PRR27: variants seen among roughly 807,000 people sequenced by gnomAD.
PRR27 encodes proline rich 27.
A neutral mutation model predicts 16.8 loss-of-function variants in PRR27; 12 were observed. The observed-to-expected ratio is 0.71, with a 90% CI of 0.46 to 1.16. The LOEUF (loss-of-function observed/expected upper bound fraction) is 1.16. Among genes scored for constraint, PRR27 ranks in the 50% most tolerant of loss-of-function variants. PRR27 has a pLI of 0.00. For synonymous variants in PRR27, 100 were observed against 98.4 expected, an observed-to-expected ratio of 1.02 and a Z score of -0.10; for missense variants, 277 against 273.3, an observed-to-expected ratio of 1.01 and a Z score of -0.10.
intron 1 of PRR27, 78 bp from the exon 2 acceptor site, chr4:70,155,976 T>A: frequency 2.2e-6 from 2 of 923,164 alleles, no homozygotes; most frequent in Non-Finnish European, 3.3e-6. Flanking sequence ...CTTTGCAAAT[T>A]TTTCAGCAAT....
chr4:70,160,443 C>CTCTCTCTCTCTG (rs1298386504), intron 3 of PRR27, among the ~76,000 whole-genome samples: 4 of 68,702 alleles, frequency 5.8e-5, no homozygotes, highest in African/African-American at 4.9e-5. Flanking sequence ...CTCTCTCTCT[C>CTCTCTCTCTCTG]TGTGTGTGTG....
At chr4:70,155,472 C>G (rs1468499375) in intron 1 of PRR27, among the ~76,000 whole-genome samples, 11 of 151,880 alleles carry the variant, frequency 7.2e-5, no homozygotes, top group Non-Finnish European at 1.3e-4. Flanking sequence ...TCACGCCATT[C>G]TCCTGCCTCA....
intron 3 of PRR27, among the ~76,000 whole-genome samples, chr4:70,159,682 C>T (rs1285050521): frequency 1.3e-5 from 2 of 152,092 alleles, no homozygotes; most frequent in Non-Finnish European, 2.9e-5. Context: ...GTAGTACACA[C>T]ATATATGTGT....
chr4:70,164,512 G>C lies in PRR27; in HGVS notation c.*1851G>C, dbSNP rs932183925. The C allele has an allele frequency of 6.6e-6, 1 of 152,096 alleles. No homozygotes were observed. The highest frequency in any genetic ancestry group is 1.5e-5 in the Non-Finnish European group (1 of 68,006). 9.4% of individuals were successfully genotyped at this position (152,096 alleles called of 1,614,324 possible). A position where few individuals can be genotyped will look rare whatever the true frequency, so the allele number is the denominator to read the frequency against. On this transcript the variant is annotated 3_prime_UTR_variant, in exon 5 of 5. Transcript: ENST00000344526. ...GAGATGTTTGCTTCCATCTTCTAGAGCCAAGTAGGATCTAACTTTAATTTG... is the reference window on the plus strand; with the variant it reads ...GAGATGTTTGCTTCCATCTTCTAGACCCAAGTAGGATCTAACTTTAATTTG...
intron 3 of PRR27, among the ~76,000 whole-genome samples, chr4:70,161,017 A>G (rs1728632422): frequency 6.6e-6 from 1 of 151,764 alleles, no homozygotes; most frequent in South Asian, 2.1e-4. Flanking sequence ...GGTTACATTC[A>G]ATGGTGTTTG....
At chr4:70,162,345 T>C (rs947253199) in intron 4 of PRR27, among the ~76,000 whole-genome samples, 26 of 152,342 alleles carry the variant, frequency 1.7e-4, no homozygotes, top group African/African-American at 6.0e-4. Context: ...TTTATTATTG[T>C]TGGTGATACC....
chr4:70,154,572 C>T (rs1728434651), intron 1 of PRR27, 146 bp downstream of exon 1: 1 of 864,964 alleles, frequency 1.2e-6, no homozygotes, highest in Non-Finnish European at 1.9e-6. Context: ...TAGTGTCAGA[C>T]TTTTCAACGG....
At chr4:70,161,736 G>T in intron 4 of PRR27, 106 bp downstream of exon 4, 1 of 486,436 alleles carries the variant, frequency 2.1e-6, no homozygotes, top group South Asian at 5.1e-5. Context: ...ACATGAAAAT[G>T]AGAAAGTGGA....
At position 70,158,623 on chromosome 4, in the gene PRR27, C is replaced by G; in HGVS notation, c.371C>G (p.Pro124Arg). 6.2e-7 allele frequency: 1 copy of G among 1,614,052 alleles called. No homozygotes were observed. Among genetic ancestry groups the G allele is most frequent in the Non-Finnish European group, 8.5e-7 (1 of 1,179,982 alleles). ...PSRFFSAAAA[P>R]AAPPIAAEPA... ...AGGTTTTTTTCAGCAGCTGCAGCAC[C>G]CGCTGCCCCACCTATTGCAGCTGAG... Residue 124 changes from proline (P) to arginine (R), a missense_variant, in exon 3 of 5, where the codon CCC becomes CGC. Physicochemically the swap from Pro to Arg is moderately radical, Grantham distance 103. Coordinates refer to ENST00000344526, the MANE Select transcript of PRR27 (RefSeq NM_214711.4).
In PRR27 at chr4:70,158,774, TG is replaced by T. The variant is rs769986440; in HGVS notation, c.523del (p.Ala175GlnfsTer49). 1 of 1,601,680 alleles carries T rather than the reference TG, an allele frequency of 6.2e-7. No homozygotes were observed. The highest frequency in any genetic ancestry group is 1.7e-5 in the Admixed American group (1 of 59,666). On this transcript the variant is annotated frameshift_variant, in exon 3 of 5. Coordinates refer to ENST00000344526, the MANE Select transcript of PRR27 (RefSeq NM_214711.4). LOFTEE classifies it high-confidence loss of function. ...CTGAGCCTGCTGCAGAGGCACCTGT[TG>T]CAGCTGAGCCTGCTGCAGAGGCACC... The part of the protein sequence containing the change: ...GAEPAAEAPV[A>X]AEPAAEAPVG...
chr4:70,162,402 A>T (rs886477230), intron 4 of PRR27, among the ~76,000 whole-genome samples: 1 of 152,238 alleles, frequency 6.6e-6, no homozygotes, highest in Non-Finnish European at 1.5e-5. Context: ...ATCCATTTTT[A>T]GTTAAACCTT....
At chr4:70,161,937 G>A (rs900522867) in intron 4 of PRR27, among the ~76,000 whole-genome samples, 3 of 152,154 alleles carry the variant, frequency 2.0e-5, no homozygotes, top group African/African-American at 2.4e-5. Context: ...TGGGAAAAGA[G>A]GGTTGGACTA....
In PRR27 at chr4:70,154,301, A is replaced by G; in HGVS notation, c.-75A>G. Reference sequence around the variant, plus strand: ...TTCGTTTCTCTCTAAAAGAAGAAAAATATAATTTAAAAATACATTGCGTAT... The same window carrying G: ...TTCGTTTCTCTCTAAAAGAAGAAAAGTATAATTTAAAAATACATTGCGTAT... On this transcript the variant is annotated 5_prime_UTR_variant, in exon 1 of 5. Transcript: ENST00000344526. 1 of 1,248,978 alleles carries G rather than the reference A, an allele frequency of 8.0e-7. No homozygotes were observed. The highest frequency in any genetic ancestry group is 1.1e-6 in the Non-Finnish European group (1 of 871,466). 77.4% of individuals were successfully genotyped at this position (1,248,978 alleles called of 1,614,324 possible).
chr4:70,158,707 C>A lies in PRR27; in HGVS notation c.455C>A (p.Ala152Asp). 6.2e-7 allele frequency: 1 copy of A among 1,612,942 alleles called. No individual in the cohort carries two copies. ...GTAGCAGCTGAGCCTGCTGCAGGGG[C>A]CCCTGTTGCAGCTGAGCCTGCTGCA... ...TPVAAEPAAG[A>D]PVAAEPAAEA... Residue 152 changes from alanine (A) to aspartate (D), a missense_variant, in exon 3 of 5, where the codon GCC becomes GAC. Coordinates refer to ENST00000344526, the MANE Select transcript of PRR27 (RefSeq NM_214711.4).
At chr4:70,156,223 T>C (rs17148265) in intron 2 of PRR27, 146 bp downstream of exon 2, 74,561 of 443,940 alleles carry the variant, frequency 0.17, 8,665 homozygotes, top group East Asian at 0.5. Flanking sequence ...CTCTTCCGAT[T>C]TGATAGAAAA....
rs1388151563 is a variant in PRR27, at chr4:70,165,667, T to C, written c.*3006T>C. The C allele has an allele frequency of 6.6e-6, 1 of 152,138 alleles. No individual in the cohort carries two copies. The highest frequency in any genetic ancestry group is 1.5e-5 in the Non-Finnish European group (1 of 67,976). 9.4% of individuals were successfully genotyped at this position (152,138 alleles called of 1,614,324 possible). A position where few individuals can be genotyped will look rare whatever the true frequency, so the allele number is the denominator to read the frequency against. Reference sequence around the variant, plus strand: ...ATATTAAGATACATTTGCAGAGTTTTGTATGTGTGTTTATATCCATCTTAC... The same window carrying C: ...ATATTAAGATACATTTGCAGAGTTTCGTATGTGTGTTTATATCCATCTTAC... On this transcript the variant is annotated 3_prime_UTR_variant, in exon 5 of 5. Coordinates refer to ENST00000344526, the MANE Select transcript of PRR27 (RefSeq NM_214711.4).
Position 70,163,736 on chromosome 4 carries a change from C to T in PRR27, c.*1075C>T, listed in dbSNP as rs1728697628. 6.6e-6 allele frequency: 1 copy of T among 152,172 alleles called. No homozygotes were observed. The highest frequency in any genetic ancestry group is 2.4e-5 in the African/African-American group (1 of 41,432). The allele number at this position is 152,172 out of a possible 1,614,324, so 9.4% of individuals were successfully genotyped here. On this transcript the variant is annotated 3_prime_UTR_variant, in exon 5 of 5. Transcript: ENST00000344526. ...ACCAAACATTATTCAGATAAGATCT[C>T]TGAAAAGCCTCTGATACTTTCTCTT... is the stretch of plus-strand genomic sequence containing the variant.
Position 70,158,373 on chromosome 4 carries a change from C to A in PRR27, c.121C>A (p.Pro41Thr), listed in dbSNP as rs267600231. 6.2e-7 allele frequency: 1 copy of A among 1,613,102 alleles called. No homozygotes were observed. Among genetic ancestry groups the A allele is most frequent in the South Asian group, 1.1e-5 (1 of 91,070 alleles). Residue 41 changes from proline (P) to threonine (T), a missense_variant, in exon 3 of 5, where the codon CCT becomes ACT. Pro to Thr is a conservative substitution (Grantham distance 38). Transcript: ENST00000344526. ...CCCACTTCATCCATCTCTGAATATT[C>A]CTTATGGCATACGGAATTTACCACC... ...GHPLHPSLNI[P>T]YGIRNLPPPL...
rs948011864 is a variant in PRR27, at chr4:70,157,009, T to C, written c.75+932T>C. ...GCACCCATTAACTCGTCTAATGAGT[T>C]AATATTTAAGTCCTCAGATTCTAGG... is the stretch of plus-strand genomic sequence containing the variant. On this transcript the variant is annotated intron_variant, in intron 2 of 4. Coordinates refer to ENST00000344526, the MANE Select transcript of PRR27 (RefSeq NM_214711.4). 3.3e-5 allele frequency among the ~76,000 whole-genome samples: 5 copies of C among 152,168 alleles called. 1 individual carries two copies. Among genetic ancestry groups the C allele is most frequent in the Non-Finnish European group, 5.9e-5 (4 of 68,038 alleles).
Sources: allele counts gnomAD v4.1 joint callset (sites outside exome capture counted in the v4.1 genomes callset), GRCh38; gene constraint gnomAD v4.1.1; transcripts MANE v1.5; gene names NCBI Gene and HGNC (gene_info 2026-07-23, HGNC 2026-07-21).